CCT6A: variants seen among roughly 807,000 people sequenced by gnomAD.
CCT6A encodes T-complex protein 1 subunit zeta.
CCT6A carries 6 observed loss-of-function variants against 58.6 expected under a neutral mutation model. The ratio of observed to expected loss-of-function variants is 0.10; its 90% CI spans 0.06 to 0.20. The LOEUF (loss-of-function observed/expected upper bound fraction) is 0.20, where lower values mean the gene tolerates loss of function less well. Among genes scored for constraint, CCT6A ranks in the 10% least tolerant of loss-of-function variants. The pLI, the probability that CCT6A is intolerant of heterozygous loss-of-function variation, is 1.00. For synonymous variants in CCT6A, 245 were observed against 227.8 expected (o/e 1.08, Z -0.68); for missense variants, 516 against 648.8 (o/e 0.80, Z 2.22).
intron 9 of CCT6A, 99 bp downstream of exon 9, chr7:56,059,739 A>C: frequency 1.5e-6 from 1 of 660,334 alleles, no homozygotes; most frequent in Admixed American, 2.3e-5. Flanking sequence ...CCCGGGCTGG[A>C]GTGCAGTGGT....
At chr7:56,060,572 T>C (rs767869840) in intron 10 of CCT6A, 156 bp downstream of exon 10, 1 of 943,392 alleles carries the variant, frequency 1.1e-6, no homozygotes, top group South Asian at 1.3e-5. Flanking sequence ...AGGTTTTTCA[T>C]AGCATATCAT....
intron 12 of CCT6A, among the ~76,000 whole-genome samples, chr7:56,062,303 C>T (rs531377867): frequency 6.6e-6 from 1 of 152,074 alleles, no homozygotes; most frequent in African/African-American, 2.4e-5. Context: ...AAATTAAGTA[C>T]AAAGTAGGAG....
intron 5 of CCT6A, among the ~76,000 whole-genome samples, chr7:56,057,317 T>A (rs1354902736): frequency 6.6e-6 from 1 of 152,144 alleles, no homozygotes; most frequent in African/African-American, 2.4e-5. Context: ...AAAAAATATT[T>A]TTTTCAAAGA....
chr7:56,059,944 C>T (rs1026065992), intron 9 of CCT6A: 8 of 416,456 alleles, frequency 1.9e-5, no homozygotes, highest in African/African-American at 1.4e-4. Context: ...TCAGGCTGTC[C>T]TTCACCCTCA....
At position 56,058,445 on chromosome 7, in the gene CCT6A, G is replaced by A; in HGVS notation, c.809G>A (p.Arg270Lys). The change falls in exon 7 of 14, where the codon AGG becomes AAG. Residue 270 changes from arginine to lysine, a missense_variant. Transcript: ENST00000275603. ...GCTGAAAGAAAATTCATTGAAGATA[G>A]GGTTAAAAAAATAATAGAACTGAAA... ...VKAERKFIED[R>K]VKKIIELKRK... 6.2e-7 allele frequency: 1 copy of A among 1,603,898 alleles called. No individual in the cohort carries two copies. The highest frequency in any genetic ancestry group is 8.5e-7 in the Non-Finnish European group (1 of 1,175,740).
intron 10 of CCT6A, 62 bp downstream of exon 10, chr7:56,060,478 G>C (rs150964208): frequency 2.6e-6 from 4 of 1,532,532 alleles, no homozygotes; most frequent in Non-Finnish European, 2.7e-6. Context: ...AGGCATGGCC[G>C]AATACTGTGT....
At chr7:56,062,380 A>G (rs979833853) in intron 12 of CCT6A, among the ~76,000 whole-genome samples, 3 of 152,218 alleles carry the variant, frequency 2.0e-5, no homozygotes, top group Non-Finnish European at 2.9e-5. Flanking sequence ...GGTTTCTGGA[A>G]TGAGGGAAAT....
chr7:56,058,151 A>C lies in CCT6A; in HGVS notation c.725+48A>C, dbSNP rs148087479. On this transcript the variant is annotated intron_variant, in intron 6 of 13. Transcript: ENST00000275603. ...GTGAAATGGAGAAGCTTCGTATTTT[A>C]GGCGAGTTACTTTTTTGTGAAACTT... 4.3e-5 allele frequency: 49 copies of C among 1,148,498 alleles called. No individual in the cohort carries two copies. The Middle Eastern group carries it at 1.2e-3, about 28-fold the overall frequency. 71.1% of individuals were successfully genotyped at this position (1,148,498 alleles called of 1,614,324 possible).
At chr7:56,056,480 T>C (rs1794306515) in intron 5 of CCT6A, 66 bp downstream of exon 5, 1 of 838,012 alleles carries the variant, frequency 1.2e-6, no homozygotes, top group Non-Finnish European at 2.1e-6. Context: ...CCCAGCACTT[T>C]GGGAGGCTGT....
At chr7:56,056,048 C>T (rs1005934927) in intron 4 of CCT6A, among the ~76,000 whole-genome samples, 26 of 151,996 alleles carry the variant, frequency 1.7e-4, no homozygotes, top group African/African-American at 6.0e-4. Flanking sequence ...TATTAGAAAG[C>T]TTCCAGTTAC....
Position 56,051,882 on chromosome 7 carries a change from GAGGTGGCCC to G in CCT6A, c.35_43del (p.Glu12_Arg15delinsGly), listed in dbSNP as rs1406065806. 2 of 1,558,782 alleles carry G rather than the reference GAGGTGGCCC, an allele frequency of 1.3e-6. No individual in the cohort carries two copies. Among genetic ancestry groups the G allele is most frequent in the Non-Finnish European group, 1.7e-6 (2 of 1,151,994 alleles). On this transcript the variant is annotated inframe_deletion, in exon 1 of 14. Transcript: ENST00000275603. ...GGTGAAGACCCTGAACCCCAAGGCC[GAGGTGGCCC>G]GAGCGCAGGCGGCGCTGGCGGTCAA...
At chr7:56,058,973 T>C (rs1584550965) in intron 8 of CCT6A, 1 of 240,240 alleles carries the variant, frequency 4.2e-6, no homozygotes, top group Admixed American at 5.2e-5. Context: ...TTCAATATAC[T>C]TTTTTCCAAA....
intron 3 of CCT6A, 100 bp from the exon 4 acceptor site, chr7:56,055,524 A>G: frequency 1.0e-6 from 1 of 970,312 alleles, no homozygotes; most frequent in Non-Finnish European, 1.6e-6. Flanking sequence ...GTTCAAAGGT[A>G]TGATGATCCA....
Position 56,061,809 on chromosome 7 carries a change from T to A in CCT6A, c.1410T>A (p.His470Gln). ...CATTAGTTAAAATTCAAGCAGAACA[T>A]TCAGAATCAGGTCAGCTTGTGGGTG... ...QETLVKIQAE[H>Q]SESGQLVGVD... Residue 470 changes from histidine (H) to glutamine (Q), a missense_variant, in exon 12 of 14, where the codon CAT (histidine) becomes CAA (glutamine). Physicochemically the swap from His to Gln is conservative, Grantham distance 24. This residue lies in a region of CCT6A where 315 missense variants were observed against 389.4 expected (regional missense o/e 0.81). Coordinates refer to ENST00000275603, the MANE Select transcript of CCT6A (RefSeq NM_001762.4). 6.2e-7 allele frequency: 1 copy of A among 1,608,462 alleles called. No individual in the cohort carries two copies. The highest frequency in any genetic ancestry group is 8.5e-7 in the Non-Finnish European group (1 of 1,177,472).
chr7:56,057,028 C>T (rs1324150594), intron 5 of CCT6A, among the ~76,000 whole-genome samples: 1 of 152,034 alleles, frequency 6.6e-6, no homozygotes, highest in Non-Finnish European at 1.5e-5. Context: ...ATCTCCTGAC[C>T]TCGTGATCCG....
chr7:56,062,991 C>G (rs769587818), intron 13 of CCT6A, 22 bp from the exon 14 acceptor site: 15 of 1,588,068 alleles, frequency 9.4e-6, no homozygotes, highest in Non-Finnish European at 1.3e-5. Flanking sequence ...TCTGAGCCAT[C>G]TTATTTTTGT....
At chr7:56,058,770 T>C (rs1794368353) in intron 8 of CCT6A, 68 bp downstream of exon 8, 1 of 1,026,222 alleles carries the variant, frequency 9.7e-7, no homozygotes, top group South Asian at 1.4e-5. Context: ...TCCTTATACT[T>C]TATTTTTGGG....
At chr7:56,060,739 G>T in intron 10 of CCT6A, 68 bp from the exon 11 acceptor site, 1 of 1,524,152 alleles carries the variant, frequency 6.6e-7, no homozygotes, top group East Asian at 2.3e-5. Context: ...GCTTTCATAT[G>T]TATATTTTGT....
At chr7:56,058,842 G>A in intron 8 of CCT6A, 140 bp downstream of exon 8, 1 of 538,822 alleles carries the variant, frequency 1.9e-6, no homozygotes, top group East Asian at 2.9e-5. Flanking sequence ...CGTCAGCACT[G>A]TCCATCTCTA....
Sources: allele counts gnomAD v4.1 joint callset (sites outside exome capture counted in the v4.1 genomes callset), GRCh38; gene constraint gnomAD v4.1.1; regional missense constraint gnomAD v4.1.1; transcripts MANE v1.5; gene names NCBI Gene and HGNC (gene_info 2026-07-23, HGNC 2026-07-21).